The following GRIN3A variants were observed in gnomAD, a reference collection of about 807,000 sequenced individuals.
The protein encoded by GRIN3A is glutamate ionotropic receptor NMDA type subunit 3A, also known as glutamate receptor ionotropic, NMDA 3A.
GRIN3A carries 47 observed loss-of-function variants against 92.4 expected under a neutral mutation model. The observed-to-expected ratio is 0.51, with a 90% CI of 0.40 to 0.65. GRIN3A has a LOEUF of 0.65. Among genes scored for constraint, GRIN3A ranks in the 30% least tolerant of loss-of-function variants. GRIN3A has a pLI of 0.00. For missense variants in GRIN3A, 1,324 were observed against 1,393.1 expected, an observed-to-expected ratio of 0.95 and a Z score of 0.79; for synonymous variants, 527 against 540.6, an observed-to-expected ratio of 0.97 and a Z score of 0.35.
At chr9:101,649,286 T>C (rs1828979579) in intron 3 of GRIN3A, among the ~76,000 whole-genome samples, 1 of 151,914 alleles carries the variant, frequency 6.6e-6, no homozygotes. Flanking sequence ...TGCCTATTGT[T>C]TCCCCTGCAG....
intron 6 of GRIN3A, among the ~76,000 whole-genome samples, chr9:101,595,584 G>A (rs1036568997): frequency 2.0e-5 from 3 of 152,146 alleles, no homozygotes; most frequent in Non-Finnish European, 4.4e-5. Flanking sequence ...ACATCCTTCT[G>A]TACCTTTTTC....
At chr9:101,617,641 G>A (rs996426067) in intron 5 of GRIN3A, among the ~76,000 whole-genome samples, 3 of 151,630 alleles carry the variant, frequency 2.0e-5, no homozygotes, top group Non-Finnish European at 4.4e-5. Context: ...TTGTGTGTGT[G>A]TGTGTGTTTT....
intron 4 of GRIN3A, among the ~76,000 whole-genome samples, chr9:101,628,000 C>T (rs1363310536): frequency 3.3e-5 from 5 of 152,200 alleles, no homozygotes; most frequent in African/African-American, 1.2e-4. Flanking sequence ...ATCTGCTATG[C>T]TAATGGCCCC....
At chr9:101,577,359 T>A (rs189495097) in intron 8 of GRIN3A, among the ~76,000 whole-genome samples, 1 of 152,360 alleles carries the variant, frequency 6.6e-6, no homozygotes, top group African/African-American at 2.4e-5. Flanking sequence ...TAATATTTAT[T>A]AGGCATTTCC....
intron 6 of GRIN3A, among the ~76,000 whole-genome samples, 194 bp downstream of exon 6, chr9:101,613,182 A>C (rs1345327581): frequency 6.6e-6 from 1 of 152,236 alleles, no homozygotes; most frequent in Non-Finnish European, 1.5e-5. Flanking sequence ...ATTTAAATCT[A>C]AGACAAACCC....
chr9:101,621,284 C>CAAA (rs33962051), intron 5 of GRIN3A, among the ~76,000 whole-genome samples: 6 of 129,314 alleles, frequency 4.6e-5, no homozygotes, highest in African/African-American at 1.4e-4. Flanking sequence ...GACTCAGTCT[C>CAAA]AAAAAAAAAA....
At chr9:101,628,487 A>C in intron 3 of GRIN3A, 86 bp from the exon 4 acceptor site, 1 of 1,399,364 alleles carries the variant, frequency 7.1e-7, no homozygotes, top group Non-Finnish European at 9.9e-7. Flanking sequence ...TTTGAAACTT[A>C]ATAATAATTC....
In GRIN3A at chr9:101,685,724, G is replaced by A. The variant is rs191524732; in HGVS notation, c.1304+872C>T. Among the ~76,000 whole-genome samples the A allele has an allele frequency of 1.7e-3, 254 of 150,652 alleles. 2 individuals carry two copies. The highest frequency in any genetic ancestry group is 5.8e-3 in the African/African-American group (239 of 40,904). On this transcript the variant is annotated intron_variant, in intron 2 of 8. Coordinates refer to ENST00000361820, the MANE Select transcript of GRIN3A (RefSeq NM_133445.3). The stretch of plus-strand genomic sequence containing the variant: ...AAAATAAACAAATATAATTATGAAT[G>A]TATAAACAAATAAATAATATTTTAT...
At chr9:101,654,660 C>T (rs566366969) in intron 3 of GRIN3A, among the ~76,000 whole-genome samples, 2 of 151,596 alleles carry the variant, frequency 1.3e-5, no homozygotes, top group East Asian at 3.9e-4. Context: ...GAGGTTTCCT[C>T]TCCTCTTTTC....
chr9:101,656,032 C>G (rs1399491782), intron 3 of GRIN3A, among the ~76,000 whole-genome samples: 1 of 151,864 alleles, frequency 6.6e-6, no homozygotes, highest in African/African-American at 2.4e-5. Context: ...GATTTGTGAA[C>G]TGATTTACAA....
At chr9:101,581,084 A>C (rs1564118289) in intron 6 of GRIN3A, among the ~76,000 whole-genome samples, 2 of 152,196 alleles carry the variant, frequency 1.3e-5, no homozygotes, top group Non-Finnish European at 2.9e-5. Flanking sequence ...CATGGGATAG[A>C]GATAGAAGGA....
chr9:101,737,410 C>T lies in GRIN3A; in HGVS notation c.570G>A (p.Val190=), dbSNP rs1180094818. The change falls in exon 1 of 9, where the codon GTG becomes GTA. Residue 190 remains valine, a synonymous_variant. Coordinates refer to ENST00000361820, the MANE Select transcript of GRIN3A (RefSeq NM_133445.3). ...FLQSVCHTVV[V]QGVSALLAFP... ...AGGCGAGCAGCGCCGACACCCCTTG[C>T]ACCACCACGGTATGGCACACACTTT... 7 of 1,614,156 alleles carry T rather than the reference C, an allele frequency of 4.3e-6. No homozygotes were observed. The highest frequency in any genetic ancestry group is 5.9e-6 in the Non-Finnish European group (7 of 1,180,056).
chr9:101,591,987 G>A (rs1294493701), intron 6 of GRIN3A: 2 of 152,130 alleles, frequency 1.3e-5, no homozygotes, highest in African/African-American at 4.8e-5. Flanking sequence ...CACATTGCAG[G>A]GTGTATAAAT....
In GRIN3A at chr9:101,686,857, A is replaced by C; in HGVS notation, c.1043T>G (p.Met348Arg). Reference protein sequence around the residue: ...IFEITTQFGVMPPELRWVLGD... With the variant: ...IFEITTQFGVRPPELRWVLGD... ...CAGCACCCAACGAAGTTCAGGGGGC[A>C]TGACCCCAAACTGGGTTGTAATTTC... Residue 348 changes from methionine (M) to arginine (R), a missense_variant, in exon 2 of 9, where the codon ATG becomes AGG. Met to Arg is a moderately conservative substitution (Grantham distance 91). Coordinates refer to ENST00000361820, the MANE Select transcript of GRIN3A (RefSeq NM_133445.3). 6.2e-7 allele frequency: 1 copy of C among 1,614,246 alleles called. No homozygotes were observed. Among genetic ancestry groups the C allele is most frequent in the Non-Finnish European group, 8.5e-7 (1 of 1,180,048 alleles).
chr9:101,679,984 A>G (rs887321709), intron 2 of GRIN3A, among the ~76,000 whole-genome samples: 1 of 152,244 alleles, frequency 6.6e-6, no homozygotes, highest in Non-Finnish European at 1.5e-5. Context: ...AAAAAGTAAT[A>G]GGATCCCAAT....
At chr9:101,669,001 A>G (rs1342551937) in intron 3 of GRIN3A, among the ~76,000 whole-genome samples, 6 of 152,178 alleles carry the variant, frequency 3.9e-5, no homozygotes, top group Admixed American at 3.9e-4. Flanking sequence ...AAGCCTGTGA[A>G]TGTTTTATAA....
chr9:101,708,093 C>A (rs1829833693), intron 1 of GRIN3A, among the ~76,000 whole-genome samples: 1 of 152,096 alleles, frequency 6.6e-6, no homozygotes, highest in South Asian at 2.1e-4. Context: ...AGAATGAGAA[C>A]AATGCTACAA....
intron 3 of GRIN3A, among the ~76,000 whole-genome samples, chr9:101,636,890 T>C (rs1828791912): frequency 6.6e-6 from 1 of 152,232 alleles, no homozygotes; most frequent in Non-Finnish European, 1.5e-5. Context: ...CACACTCGGA[T>C]GGCTTCTGTG....
At chr9:101,675,889 T>C (rs1421724067) in intron 2 of GRIN3A, among the ~76,000 whole-genome samples, 2 of 152,004 alleles carry the variant, frequency 1.3e-5, no homozygotes, top group Non-Finnish European at 2.9e-5. Context: ...AGTCATGTGC[T>C]ATTTTTACTT....
Sources: gnomAD v4.1 joint callset for allele counts (sites outside exome capture counted in the v4.1 genomes callset) on GRCh38, gnomAD v4.1.1 for gene constraint, MANE v1.5 for transcripts, NCBI Gene and HGNC (gene_info 2026-07-23, HGNC 2026-07-21) for gene names.